Variants in ADGRG7 observed in about 807,000 individuals in gnomAD.
The protein encoded by ADGRG7 is adhesion G protein-coupled receptor G7.
A neutral mutation model predicts 88.6 loss-of-function variants in ADGRG7; 82 were observed. The ratio of observed to expected loss-of-function variants is 0.93; its 90% confidence interval spans 0.77 to 1.11. ADGRG7 has a LOEUF of 1.11. ADGRG7 is among the 50% of genes most tolerant of loss of function. The pLI, the probability that ADGRG7 is intolerant of heterozygous loss-of-function variation, is 0.00. For missense variants in ADGRG7, 945 were observed against 953.4 expected (o/e 0.99, Z 0.12); for synonymous variants, 381 against 345.2 (o/e 1.10, Z -1.15).
intron 11 of ADGRG7, among the ~76,000 whole-genome samples, chr3:100,651,711 A>G (rs2094929565): frequency 1.3e-5 from 2 of 152,170 alleles, no homozygotes; most frequent in South Asian, 4.1e-4. Flanking sequence ...GAGAAAAAAC[A>G]AAACAAAAAT....
intron 4 of ADGRG7, among the ~76,000 whole-genome samples, chr3:100,634,159 A>C (rs1707497667): frequency 6.6e-6 from 1 of 152,194 alleles, no homozygotes; most frequent in Non-Finnish European, 1.5e-5. Flanking sequence ...TATTTTGACC[A>C]AAGTTGTACC....
chr3:100,675,238 T>A (rs2094963558), intron 15 of ADGRG7, among the ~76,000 whole-genome samples: 1 of 152,234 alleles, frequency 6.6e-6, no homozygotes, highest in Admixed American at 6.5e-5. Context: ...GAGTCCGTCA[T>A]ATACAGCTTT....
rs534387440 is a variant in ADGRG7, at chr3:100,609,911, C to T, written c.55C>T (p.Leu19=). ...GGTGCTGGTGGCTGTCGTGTGTGGACTACTGACTGGCATCATTTTGGGACT... is the reference window on the plus strand; with the variant it reads ...GGTGCTGGTGGCTGTCGTGTGTGGATTACTGACTGGCATCATTTTGGGACT... ...LRVLVAVVCG[L]LTGIILGLGI... is the part of the protein sequence containing the mutation. Residue 19 remains leucine (L), a synonymous_variant, in exon 1 of 16, where the codon CTA becomes TTA. Coordinates refer to ENST00000273352, the MANE Select transcript of ADGRG7 (RefSeq NM_032787.3). 6.2e-7 allele frequency: 1 copy of T among 1,614,036 alleles called. No individual in the cohort carries two copies. Among genetic ancestry groups the T allele is most frequent in the South Asian group, 1.1e-5 (1 of 91,076 alleles).
intron 15 of ADGRG7, among the ~76,000 whole-genome samples, chr3:100,693,652 T>C (rs1354159234): frequency 6.6e-6 from 1 of 152,210 alleles, no homozygotes; most frequent in Non-Finnish European, 1.5e-5. Context: ...CCAAGGATAT[T>C]TATTTTTAAA....
chr3:100,635,583 C>T (rs1419737511), intron 4 of ADGRG7, 94 bp from the exon 5 acceptor site: 1 of 1,533,780 alleles, frequency 6.5e-7, no homozygotes, highest in Admixed American at 2.0e-5. Context: ...GATTGAGGCT[C>T]AGCTAAATTC....
intron 1 of ADGRG7, among the ~76,000 whole-genome samples, chr3:100,617,214 TTTTTTC>T (rs1205380507): frequency 6.6e-6 from 1 of 152,130 alleles, no homozygotes; most frequent in South Asian, 2.1e-4. Flanking sequence ...AATATTTTCT[TTTTTTC>T]TTTTTCTTTT....
chr3:100,695,006 T>C lies in ADGRG7; in HGVS notation c.*5T>C, dbSNP rs745936438. Reference sequence around the variant, plus strand: ...AATGCAAAGGAAAGCATCTAGACAGTAAAACTTACCTGTTGTGGTCTTTTT... The same window carrying C: ...AATGCAAAGGAAAGCATCTAGACAGCAAAACTTACCTGTTGTGGTCTTTTT... On this transcript the variant is annotated 3_prime_UTR_variant, in exon 16 of 16. Coordinates refer to ENST00000273352, the MANE Select transcript of ADGRG7 (RefSeq NM_032787.3). 4.3e-6 allele frequency: 7 copies of C among 1,611,264 alleles called. No homozygotes were observed. The Admixed American group carries it at 1.0e-4, about 23-fold the overall frequency.
chr3:100,670,370 C>A (rs1003908989), intron 15 of ADGRG7, among the ~76,000 whole-genome samples: 9 of 152,126 alleles, frequency 5.9e-5, no homozygotes, highest in African/African-American at 1.9e-4. Flanking sequence ...AATAGTACTC[C>A]ATTGTGTATA....
At chr3:100,613,145 C>T (rs538264961) in intron 1 of ADGRG7, among the ~76,000 whole-genome samples, 1 of 152,316 alleles carries the variant, frequency 6.6e-6, no homozygotes, top group African/African-American at 2.4e-5. Flanking sequence ...CCGCCTCGGC[C>T]TCCCAAAGTG....
At chr3:100,628,374 G>T (rs1385829266) in intron 1 of ADGRG7, among the ~76,000 whole-genome samples, 15 of 146,386 alleles carry the variant, frequency 1.0e-4, no homozygotes, top group African/African-American at 3.3e-4. Flanking sequence ...TGTTTTTTTT[G>T]TTTTTTTTTT....
At chr3:100,662,439 C>T (rs2094946720) in intron 14 of ADGRG7, among the ~76,000 whole-genome samples, 1 of 152,086 alleles carries the variant, frequency 6.6e-6, no homozygotes, top group African/African-American at 2.4e-5. Context: ...TTTTAGAAGT[C>T]AATTAAACAA....
At chr3:100,637,212 C>G in intron 5 of ADGRG7, 90 bp from the exon 6 acceptor site, 1 of 869,332 alleles carries the variant, frequency 1.2e-6, no homozygotes, top group African/African-American at 1.7e-5. Context: ...AGTGATGCCA[C>G]TTGCTACTAC....
At chr3:100,650,857 T>C (rs1407073764) in intron 11 of ADGRG7, among the ~76,000 whole-genome samples, 1 of 152,166 alleles carries the variant, frequency 6.6e-6, no homozygotes, top group African/African-American at 2.4e-5. Context: ...GGTTGAAAAA[T>C]GGTGATTTTT....
intron 14 of ADGRG7, among the ~76,000 whole-genome samples, chr3:100,663,821 T>C (rs2094948552): frequency 6.6e-6 from 1 of 152,044 alleles, no homozygotes. Flanking sequence ...ATATTTGTTT[T>C]TATAAGTATG....
chr3:100,673,492 C>T (rs1445405932), intron 15 of ADGRG7, among the ~76,000 whole-genome samples: 8 of 146,850 alleles, frequency 5.4e-5, no homozygotes, highest in Non-Finnish European at 8.9e-5. Flanking sequence ...GACAGAGTCT[C>T]GGTCTGTCAT....
intron 15 of ADGRG7, among the ~76,000 whole-genome samples, chr3:100,689,801 C>T (rs1197489363): frequency 6.6e-6 from 1 of 152,188 alleles, no homozygotes; most frequent in African/African-American, 2.4e-5. Flanking sequence ...TCTGGCTGCC[C>T]TTAACATTTT....
intron 15 of ADGRG7, among the ~76,000 whole-genome samples, chr3:100,679,976 T>TA (rs1350782467): frequency 6.6e-6 from 1 of 152,236 alleles, no homozygotes; most frequent in Non-Finnish European, 1.5e-5. Flanking sequence ...CTGTAGTTGT[T>TA]AAAGTATTCT....
At chr3:100,688,578 C>G (rs2094987382) in intron 15 of ADGRG7, among the ~76,000 whole-genome samples, 1 of 152,154 alleles carries the variant, frequency 6.6e-6, no homozygotes, top group Non-Finnish European at 1.5e-5. Context: ...TGTGTTGTGT[C>G]TTTGTTCTTA....
At chr3:100,645,253 C>T (rs1392551264) in intron 8 of ADGRG7, among the ~76,000 whole-genome samples, 3 of 152,224 alleles carry the variant, frequency 2.0e-5, no homozygotes. Context: ...GGTGCCAAAC[C>T]CTCCACAGCA....
Sources: gnomAD v4.1 joint callset for allele counts (sites outside exome capture counted in the v4.1 genomes callset) on GRCh38, gnomAD v4.1.1 for gene constraint, MANE v1.5 for transcripts, NCBI Gene and HGNC (gene_info 2026-07-23, HGNC 2026-07-21) for gene names.